The following XYLT1 variants were observed in gnomAD, a reference collection of about 807,000 sequenced individuals.
XYLT1 encodes xylosyltransferase 1, also known as beta-D-xylosyltransferase 1.
In XYLT1, 36 loss-of-function variants were observed where a neutral mutation model predicts 91.3. The observed-to-expected ratio is 0.39, with a 90% confidence interval of 0.30 to 0.52. The LOEUF (loss-of-function observed/expected upper bound fraction) is 0.52, where lower values mean the gene tolerates loss of function less well. XYLT1 is among the 20% of genes least tolerant of loss of function. The pLI is 0.68. For missense variants in XYLT1, 1,242 were observed against 1,284.5 expected (o/e 0.97, Z 0.51); for synonymous variants, 588 against 532.0 (o/e 1.11, Z -1.45).
chr16:17,247,011 G>C (rs2033445663), intron 3 of XYLT1, among the ~76,000 whole-genome samples: 1 of 152,182 alleles, frequency 6.6e-6, no homozygotes, highest in African/African-American at 2.4e-5. Context: ...CTTCCAGGAG[G>C]AAGTGGCATT....
chr16:17,134,479 C>G lies in XYLT1; in HGVS notation c.2021G>C (p.Ser674Thr). The change falls in exon 9 of 12, where the codon AGC becomes ACC. Residue 674 changes from serine to threonine, a missense_variant. Transcript: ENST00000261381. The stretch of plus-strand genomic sequence containing the variant: ...CATCCCATATAGGGCTCACCGGCAG[C>G]TGTTCTCCCCATCCGTGTGCAGGGA... ...ETSLHTDGEN[S>T]CRYYPMGHPA... 1.2e-6 allele frequency: 2 copies of G among 1,614,090 alleles called. No homozygotes were observed. The highest frequency in any genetic ancestry group is 1.7e-6 in the Non-Finnish European group (2 of 1,180,038).
chr16:17,148,980 T>A (rs1169855466), intron 6 of XYLT1, among the ~76,000 whole-genome samples: 1 of 152,216 alleles, frequency 6.6e-6, no homozygotes. Flanking sequence ...AAGGGGCAGC[T>A]CACCTTCCTG....
chr16:17,447,115 G>A (rs902514642), intron 1 of XYLT1, among the ~76,000 whole-genome samples: 22 of 152,062 alleles, frequency 1.4e-4, no homozygotes, highest in African/African-American at 5.1e-4. Context: ...CCAACTCATA[G>A]ACTGTCACTG....
chr16:17,469,032 T>C (rs1289103145), intron 1 of XYLT1, among the ~76,000 whole-genome samples: 1 of 152,168 alleles, frequency 6.6e-6, no homozygotes, highest in Non-Finnish European at 1.5e-5. Context: ...CTCACGCCAC[T>C]ATTCTCCCCG....
intron 2 of XYLT1, among the ~76,000 whole-genome samples, chr16:17,356,099 C>A (rs1218123824): frequency 6.6e-6 from 1 of 151,936 alleles, no homozygotes; most frequent in Non-Finnish European, 1.5e-5. Context: ...CTACTAGATG[C>A]CAGTTGTAAA....
chr16:17,251,879 A>C lies in XYLT1; in HGVS notation c.913+7109T>G, dbSNP rs114301017. On this transcript the variant is annotated intron_variant, in intron 3 of 11. Coordinates refer to ENST00000261381, the MANE Select transcript of XYLT1 (RefSeq NM_022166.4). ...CCAGAGGAAGCGCATTCAGGGTGGG[A>C]TCTCCAGAGGCAAGAGGTAACAGCC... 5.5e-3 allele frequency among the ~76,000 whole-genome samples: 836 copies of C among 151,984 alleles called. 9 individuals carry two copies. Among genetic ancestry groups the C allele is most frequent in the African/African-American group, 0.019 (777 of 41,432 alleles).
intron 2 of XYLT1, among the ~76,000 whole-genome samples, chr16:17,277,019 A>ATATT (rs1287985357): frequency 6.6e-6 from 1 of 152,222 alleles, no homozygotes; most frequent in African/African-American, 2.4e-5. Context: ...TCATTCACAG[A>ATATT]TATTTACTGA....
chr16:17,450,468 C>A (rs574275616), intron 1 of XYLT1, among the ~76,000 whole-genome samples: 2 of 152,134 alleles, frequency 1.3e-5, no homozygotes, highest in African/African-American at 4.8e-5. Flanking sequence ...AAAACAGCCA[C>A]GTACACATGG....
chr16:17,297,837 C>T (rs112917163), intron 2 of XYLT1, among the ~76,000 whole-genome samples: 5,737 of 152,016 alleles, frequency 0.038, 348 homozygotes, highest in African/African-American at 0.13. Context: ...CTGGCTAACA[C>T]GGTGAAACCC....
At chr16:17,277,167 A>G (rs2033989574) in intron 2 of XYLT1, among the ~76,000 whole-genome samples, 1 of 152,146 alleles carries the variant, frequency 6.6e-6, no homozygotes, top group Non-Finnish European at 1.5e-5. Flanking sequence ...TTCTATCACA[A>G]TGTTGGGCAT....
chr16:17,157,108 C>T lies in XYLT1; in HGVS notation c.1370+1721G>A, dbSNP rs568950740. On this transcript the variant is annotated intron_variant, in intron 6 of 11. Coordinates refer to ENST00000261381, the MANE Select transcript of XYLT1 (RefSeq NM_022166.4). ...GATTATAGGTGTGCACCACCACACC[C>T]GGCTAATTTTTGTATTTTTAGTAGA... 4.6e-5 allele frequency among the ~76,000 whole-genome samples: 7 copies of T among 152,112 alleles called. No individual in the cohort carries two copies. In the East Asian group the frequency reaches 7.7e-4, roughly 17 times the overall value.
chr16:17,338,071 G>C, intron 2 of XYLT1: 1 of 405,672 alleles, frequency 2.5e-6, no homozygotes, highest in South Asian at 1.8e-5. Context: ...CCCGGCCCCC[G>C]TTCTACATTT....
intron 1 of XYLT1, among the ~76,000 whole-genome samples, chr16:17,406,564 A>C (rs1037153215): frequency 2.6e-5 from 4 of 152,188 alleles, no homozygotes; most frequent in Non-Finnish European, 4.4e-5. Context: ...AGAAGACAAA[A>C]AGCAGGTTTG....
chr16:17,331,246 G>C (rs1265550590), intron 2 of XYLT1, among the ~76,000 whole-genome samples: 2 of 152,198 alleles, frequency 1.3e-5, no homozygotes, highest in African/African-American at 4.8e-5. Context: ...TGACCATGCC[G>C]GCCTCAATCC....
intron 2 of XYLT1, among the ~76,000 whole-genome samples, chr16:17,352,949 T>C (rs1363564171): frequency 1.3e-5 from 2 of 152,226 alleles, no homozygotes; most frequent in African/African-American, 2.4e-5. Flanking sequence ...TCCCTTTACA[T>C]AGATACAATT....
rs754370575 is a variant in XYLT1, at chr16:17,127,857, A to G, written c.2032T>C (p.Tyr678His). The G allele has an allele frequency of 6.8e-6, 11 of 1,612,966 alleles. No individual in the cohort carries two copies. In the East Asian group the frequency reaches 2.5e-4, roughly 36 times the overall value. The change falls in exon 10 of 12, where the codon TAC (tyrosine) becomes CAC (histidine). Residue 678 changes from tyrosine (Y) to histidine (H), a missense_variant. This residue lies in a region of XYLT1 where 511 missense variants were observed against 497.0 expected (regional missense o/e 1.03). Transcript: ENST00000261381. ...HTDGENSCRY[Y>H]PMGHPASVHL... is the part of the protein sequence containing the mutation. ...ACAGATGCTGGGTGGCCCATTGGGT[A>G]GTATCTGAAAACACAGGCGCTCATG...
At chr16:17,120,274 T>C (rs1327608622) in intron 10 of XYLT1, among the ~76,000 whole-genome samples, 1 of 152,044 alleles carries the variant, frequency 6.6e-6, no homozygotes, top group Admixed American at 6.6e-5. Context: ...GATTTCTATT[T>C]TCCTGCTTAC....
chr16:17,455,274 T>C (rs962539103), intron 1 of XYLT1, among the ~76,000 whole-genome samples: 4 of 152,176 alleles, frequency 2.6e-5, no homozygotes, highest in African/African-American at 9.7e-5. Context: ...TCATGATTTC[T>C]GCATTCTTTC....
At chr16:17,197,065 A>G (rs72777745) in intron 5 of XYLT1, among the ~76,000 whole-genome samples, 61 of 147,230 alleles carry the variant, frequency 4.1e-4, no homozygotes, top group Non-Finnish European at 6.7e-4. Context: ...CATTCAAAGT[A>G]TCATGCCAGT....
Sources: allele counts gnomAD v4.1 joint callset (sites outside exome capture counted in the v4.1 genomes callset), GRCh38; gene constraint gnomAD v4.1.1; regional missense constraint gnomAD v4.1.1; transcripts MANE v1.5; gene names NCBI Gene and HGNC (gene_info 2026-07-23, HGNC 2026-07-21).